The following KIR2DL4 variants were observed in gnomAD, a reference collection of about 807,000 sequenced individuals.
KIR2DL4 encodes killer cell immunoglobulin-like receptor 2DL4.
A neutral mutation model predicts 31.0 loss-of-function variants in KIR2DL4; 41 were observed. The ratio of observed to expected loss-of-function variants is 1.32; its 90% CI spans 1.03 to 1.72. The LOEUF (loss-of-function observed/expected upper bound fraction) is 1.72, where lower values mean the gene tolerates loss of function less well. KIR2DL4 is among the 40% of genes most tolerant of loss of function. The probability of loss-of-function intolerance (pLI) is 0.00; values close to 1 mark genes in which losing one functional copy is unlikely to be tolerated. For missense variants in KIR2DL4, 438 were observed against 353.7 expected (o/e 1.24, Z -1.91); for synonymous variants, 164 against 133.6 (o/e 1.23, Z -1.57).
chr19:54,804,830 C>T lies in KIR2DL4; in HGVS notation c.114C>T (p.Ser38=), dbSNP rs769865663. The T allele has an allele frequency of 1.3e-5, 21 of 1,612,152 alleles. 2 individuals are homozygous for T. Among genetic ancestry groups the T allele is most frequent in the African/African-American group, 4.0e-5 (3 of 74,250 alleles). The stretch of plus-strand genomic sequence containing the variant: ...AGCCCTTCTGCTCTGCCTGGCCCAG[C>T]GCTGTGGTGCCTCAAGGAGGACACG... Residue 38 remains serine, a synonymous_variant, in exon 3 of 8, where the codon AGC becomes AGT. Transcript: ENST00000359085.
At chr19:54,813,122 C>T in intron 5 of KIR2DL4, 1 of 1,451,574 alleles carries the variant, frequency 6.9e-7, no homozygotes, top group Non-Finnish European at 9.4e-7. Flanking sequence ...CATCTTCCTC[C>T]AGGTATCGCC....
intron 5 of KIR2DL4, among the ~76,000 whole-genome samples, chr19:54,810,695 T>C (rs2060813645): frequency 6.6e-6 from 1 of 151,116 alleles, no homozygotes; most frequent in Non-Finnish European, 1.5e-5. Context: ...GCACACTGGG[T>C]ACACAGGAAA....
chr19:54,805,159 G>C (rs1014798879), intron 3 of KIR2DL4, 82 bp downstream of exon 3: 8 of 1,348,834 alleles, frequency 5.9e-6, no homozygotes, highest in Non-Finnish European at 8.0e-6. Flanking sequence ...ACCAGAGTCC[G>C]ATCATCCAGG....
chr19:54,803,851 G>C (rs760498163), intron 1 of KIR2DL4, 40 bp from the exon 2 acceptor site: 1 of 1,592,242 alleles, frequency 6.3e-7, no homozygotes, highest in Admixed American at 1.7e-5. Flanking sequence ...AGGGTAGGTT[G>C]CTGCCGAGAT....
chr19:54,805,834 G>A, intron 3 of KIR2DL4, 117 bp from the exon 4 acceptor site: 1 of 416,366 alleles, frequency 2.4e-6, no homozygotes, highest in Non-Finnish European at 3.4e-6. Context: ...GGTGGAGGGT[G>A]AGAGAGAGAG....
intron 6 of KIR2DL4, among the ~76,000 whole-genome samples, 172 bp from the exon 6 acceptor site, chr19:54,813,518 C>G (rs1344664384): frequency 6.6e-6 from 1 of 151,096 alleles, no homozygotes; most frequent in Non-Finnish European, 1.5e-5. Context: ...GAACTGACAG[C>G]TATTCATGGA....
chr19:54,810,340 C>T (rs1195078811), intron 5 of KIR2DL4, among the ~76,000 whole-genome samples: 1 of 150,916 alleles, frequency 6.6e-6, no homozygotes, highest in African/African-American at 2.5e-5. Flanking sequence ...GTTGCCCAGG[C>T]TATCTCAAAC....
chr19:54,811,579 T>C (rs1380015801), intron 5 of KIR2DL4, among the ~76,000 whole-genome samples: 19 of 151,046 alleles, frequency 1.3e-4, no homozygotes, highest in Admixed American at 1.3e-3. Context: ...TGAGATCATA[T>C]GGAAAATGTG....
At position 54,810,057 on chromosome 19, in the gene KIR2DL4, T is replaced by G. The variant is rs1280062705; in HGVS notation, c.706+1174T>G. 6.7e-5 allele frequency among the ~76,000 whole-genome samples: 10 copies of G among 149,680 alleles called. 1 individual carries two copies. The highest frequency in any genetic ancestry group is 2.3e-4 in the African/African-American group (9 of 39,976). On this transcript the variant is annotated intron_variant, in intron 5 of 7. Coordinates refer to ENST00000359085, the Ensembl canonical transcript of KIR2DL4. ...ATTAAATGGGAGGGCAGAAAATGAA[T>G]GCACCAGTGGACCAATAAATGAATG...
chr19:54,814,190 A>G, exon 8 of KIR2DL4: 1 of 1,499,182 alleles, frequency 6.7e-7, no homozygotes, highest in African/African-American at 1.4e-5. Context: ...ACCAATGTCT[A>G]AGGTCCCCAC....
intron 2 of KIR2DL4, 85 bp downstream of exon 2, chr19:54,804,011 G>A (rs2060340930): frequency 1.3e-5 from 17 of 1,287,632 alleles, no homozygotes; most frequent in Non-Finnish European, 7.9e-6. Flanking sequence ...CAGCACAGAG[G>A]GTGGGCTGAT....
At chr19:54,805,974 A>T (rs748394765) in exon 4 of KIR2DL4, 6 of 1,607,302 alleles carry the variant, frequency 3.7e-6, no homozygotes, top group Admixed American at 1.7e-5. Context: ...ACCTTCGCTT[A>T]CAGCCCGGCC....
rs1245502699 is a variant in KIR2DL4 at position 54,809,684 on chromosome 19, C to T, written c.706+801C>T. On this transcript the variant is annotated intron_variant, in intron 5 of 7. Coordinates refer to ENST00000359085, the Ensembl canonical transcript of KIR2DL4. The stretch of plus-strand genomic sequence containing the variant: ...GTCCACAAAGGCTGGTCACGCCTCT[C>T]ACACGGCATCACTCAGACCCTTCTT... 6.0e-4 allele frequency among the ~76,000 whole-genome samples: 91 copies of T among 151,442 alleles called. 2 individuals are homozygous for T. The highest frequency in any genetic ancestry group is 2.1e-3 in the African/African-American group (87 of 41,068).
intron 6 of KIR2DL4, chr19:54,813,325 C>G (rs1213166290): frequency 6.4e-7 from 1 of 1,557,916 alleles, no homozygotes; most frequent in African/African-American, 1.4e-5. Context: ...AGGAAAGTCT[C>G]TGGCCCAAGG....
At chr19:54,805,005 T>A (rs780933516) in exon 3 of KIR2DL4, 16 of 1,611,592 alleles carry the variant, frequency 9.9e-6, no homozygotes, top group Admixed American at 3.3e-5. Flanking sequence ...GACCTACAGA[T>A]GTCGAGGTTT....
chr19:54,804,598 C>T (rs942956885), intron 2 of KIR2DL4, among the ~76,000 whole-genome samples, 195 bp from the exon 3 acceptor site: 5 of 151,230 alleles, frequency 3.3e-5, no homozygotes, highest in African/African-American at 1.2e-4. Flanking sequence ...TTACTCAGCA[C>T]CTGCTCAGTT....
chr19:54,812,615 G>T (rs1340333812), intron 5 of KIR2DL4, among the ~76,000 whole-genome samples: 1 of 150,154 alleles, frequency 6.7e-6, no homozygotes, highest in African/African-American at 2.5e-5. Context: ...ATCTATTTCT[G>T]GCTGCGGCCT....
intron 5 of KIR2DL4, among the ~76,000 whole-genome samples, chr19:54,812,008 TC>T (rs2060893261): frequency 6.6e-6 from 1 of 151,350 alleles, no homozygotes; most frequent in African/African-American, 2.4e-5. Flanking sequence ...CACTGTTTTT[TC>T]CTTTTCTTGG....
chr19:54,805,097 G>A lies in KIR2DL4; in HGVS notation c.361+20G>A. The A allele has an allele frequency of 1.3e-6, 2 of 1,575,432 alleles. No individual in the cohort carries two copies. Among genetic ancestry groups the A allele is most frequent in the South Asian group, 1.2e-5 (1 of 86,354 alleles). On this transcript the variant is annotated intron_variant, in intron 3 of 7. Coordinates refer to ENST00000359085, the Ensembl canonical transcript of KIR2DL4. ...TCACAGGTCAGAGGGCTCCTGTCTG[G>A]GCTTCTCCTTGTCCCACCTCCTGAG...
Sources: gnomAD v4.1 joint callset for allele counts (sites outside exome capture counted in the v4.1 genomes callset) on GRCh38, gnomAD v4.1.1 for gene constraint, MANE v1.5 for transcripts, NCBI Gene and HGNC (gene_info 2026-07-23, HGNC 2026-07-21) for gene names.